MCOLN1: variants seen among roughly 807,000 people sequenced by gnomAD.
MCOLN1 encodes mucolipin TRP cation channel 1, also known as mucolipin-1.
Under a neutral mutation model 70.3 loss-of-function variants are expected in MCOLN1, and 50 were observed. That is an observed-to-expected ratio of 0.71 (90% CI 0.57 to 0.90). The LOEUF (loss-of-function observed/expected upper bound fraction) is 0.90. Ranked by LOEUF, MCOLN1 falls within the 40% of genes least tolerant of loss-of-function variation. The pLI is 0.00. For missense variants in MCOLN1, 598 were observed against 803.5 expected, an observed-to-expected ratio of 0.74 and a Z score of 3.09; for synonymous variants, 366 against 341.0, an observed-to-expected ratio of 1.07 and a Z score of -0.81.
intron 9 of MCOLN1, 48 bp downstream of exon 9, chr19:7,529,018 G>T (rs376829459): frequency 6.2e-7 from 1 of 1,613,830 alleles, no homozygotes; most frequent in African/African-American, 1.3e-5. Flanking sequence ...CCTGCTGTCA[G>T]TGCCTATCCG....
intron 4 of MCOLN1, chr19:7,527,271 CAAAAAAAAAA>C (rs562144613): frequency 8.1e-5 from 19 of 235,826 alleles, no homozygotes; most frequent in Admixed American, 4.5e-4. Flanking sequence ...GACCCTGTCT[CAAAAAAAAAA>C]AAAAAAAAAA....
chr19:7,528,189 G>A lies in MCOLN1; in HGVS notation c.809G>A (p.Arg270Gln), dbSNP rs1430002498. The A allele has an allele frequency of 8.7e-6, 14 of 1,613,942 alleles. No individual in the cohort carries two copies. Among genetic ancestry groups the A allele is most frequent in the Non-Finnish European group, 1.1e-5 (13 of 1,179,978 alleles). ...TTTGACAACAAAGCACACAGTGGGC[G>A]GATCCCCATCAGCCTGGAGACCCAG... ...ITFDNKAHSG[R>Q]IPISLETQAH... The change falls in exon 7 of 14, where the codon CGG becomes CAG. Residue 270 changes from arginine (R) to glutamine (Q), a missense_variant. Arg to Gln is a conservative substitution (Grantham distance 43, BLOSUM62 1). This residue lies in a region of MCOLN1 where 461 missense variants were observed against 588.4 expected (regional missense o/e 0.78). Coordinates refer to ENST00000264079, the MANE Select transcript of MCOLN1 (RefSeq NM_020533.3). This position sits in a 1 kb window ranked among gnomAD's most constrained non-coding sequence, Gnocchi z 4.2.
intron 11 of MCOLN1, 134 bp downstream of exon 11, chr19:7,529,846 G>T: frequency 9.3e-7 from 1 of 1,075,904 alleles, no homozygotes. Context: ...CCCTGACACT[G>T]ACCCTGTGCC....
At position 7,528,030 on chromosome 19, in the gene MCOLN1, G is replaced by A. The variant is rs571036385; in HGVS notation, c.777+70G>A. On this transcript the variant is annotated intron_variant, in intron 6 of 13. Coordinates refer to ENST00000264079, the MANE Select transcript of MCOLN1 (RefSeq NM_020533.3). The surrounding 1 kb of genome is among the most constrained non-coding windows in gnomAD (Gnocchi z 4.2). ...GGGACCTGGTCAGGGAGTGTCTTGG[G>A]AGCACTGGCCAAGGGCAAGCGTGCG... 2.8e-5 allele frequency: 43 copies of A among 1,545,344 alleles called. No homozygotes were observed. The East Asian group carries it at 9.4e-4, about 34-fold the overall frequency.
Position 7,528,074 on chromosome 19 carries a change from C to T in MCOLN1, c.778-84C>T. ...GCGTGCGGGTGATGAGGGAGGGAGCCCGGGGTCTGTCAGGCCACCTGTCAT... is the reference window on the plus strand; with the variant it reads ...GCGTGCGGGTGATGAGGGAGGGAGCTCGGGGTCTGTCAGGCCACCTGTCAT... On this transcript the variant is annotated intron_variant, in intron 6 of 13. Transcript: ENST00000264079. This position sits in a 1 kb window ranked among gnomAD's most constrained non-coding sequence, Gnocchi z 4.2. 2 of 1,544,784 alleles carry T rather than the reference C, an allele frequency of 1.3e-6. No individual in the cohort carries two copies. Among genetic ancestry groups the T allele is most frequent in the Non-Finnish European group, 1.8e-6 (2 of 1,117,240 alleles).
rs2146022923 is a variant in MCOLN1 at position 7,526,898 on chromosome 19, A to G, written c.543A>G (p.Thr181=). The G allele has an allele frequency of 6.2e-7, 1 of 1,614,066 alleles. No homozygotes were observed. Among genetic ancestry groups the G allele is most frequent in the Non-Finnish European group, 8.5e-7 (1 of 1,180,012 alleles). ...HRGHVDPAND[T]FDIDPMVVTD... is the part of the protein sequence containing the mutation. ...GCCACGTGGACCCGGCCAACGACAC[A>G]TTTGACATTGATCCGATGGTGGTTA... The change falls in exon 4 of 14, where the codon ACA becomes ACG. Residue 181 remains threonine, a synonymous_variant. Transcript: ENST00000264079. The surrounding 1 kb of genome is among the most constrained non-coding windows in gnomAD (Gnocchi z 4.6).
At position 7,524,739 on chromosome 19, in the gene MCOLN1, G is replaced by T. The variant is rs1237519222; in HGVS notation, c.32-222G>T. On this transcript the variant is annotated intron_variant, in intron 1 of 13. Coordinates refer to ENST00000264079, the MANE Select transcript of MCOLN1 (RefSeq NM_020533.3). The surrounding 1 kb of genome is among the most constrained non-coding windows in gnomAD (Gnocchi z 4.1). ...GCAGGAGGGGCAGGAATCAGCCCAG[G>T]CCCTGTACCTCCCAAACCCAAACTC... Among the ~76,000 whole-genome samples, 1 of 152,168 alleles carries T rather than the reference G, an allele frequency of 6.6e-6. No homozygotes were observed. The highest frequency in any genetic ancestry group is 1.9e-4 in the East Asian group (1 of 5,200).
intron 10 of MCOLN1, 84 bp from the exon 11 acceptor site, chr19:7,529,506 G>GGGGGCCCCC: frequency 3.6e-6 from 1 of 280,230 alleles, no homozygotes; most frequent in Non-Finnish European, 6.4e-6. Flanking sequence ...GCAAGGCCCC[G>GGGGGCCCCC]CCCCTCCCAC....
rs756676977 is a variant in MCOLN1, at chr19:7,528,712, T to C, written c.984+9T>C. 1 of 1,614,200 alleles carries C rather than the reference T, an allele frequency of 6.2e-7. No individual in the cohort carries two copies. The highest frequency in any genetic ancestry group is 1.1e-5 in the South Asian group (1 of 91,088). On this transcript the variant is annotated intron_variant, in intron 8 of 13. Transcript: ENST00000264079. This position sits in a 1 kb window ranked among gnomAD's most constrained non-coding sequence, Gnocchi z 4.2. ...GCTTCCTGCTGCAGAACGTGAGGCT[T>C]CTGCGTCATGTGTGCTGGTGTCCTC...
chr19:7,529,501 G>GCA, intron 10 of MCOLN1, 89 bp from the exon 11 acceptor site: 2 of 747,250 alleles, frequency 2.7e-6, no homozygotes, highest in Non-Finnish European at 2.3e-6. Context: ...CCTCGGCAAG[G>GCA]CCCCGCCCCT....
At chr19:7,532,398 C>T (rs1463570410) in intron 12 of MCOLN1, among the ~76,000 whole-genome samples, 1 of 151,874 alleles carries the variant, frequency 6.6e-6, no homozygotes, top group African/African-American at 2.4e-5. Context: ...TAGCCCTATG[C>T]AGCTATTTAA....
chr19:7,529,513 C>CCCCCCCCCA, intron 10 of MCOLN1, 77 bp from the exon 11 acceptor site: 1 of 1,040,526 alleles, frequency 9.6e-7, no homozygotes, highest in Admixed American at 1.9e-5. Context: ...CCCGCCCCTC[C>CCCCCCCCCA]CACCCCCATC....
chr19:7,528,748 C>T lies in MCOLN1; in HGVS notation c.984+45C>T. 6.2e-7 allele frequency: 1 copy of T among 1,614,180 alleles called. No homozygotes were observed. The highest frequency in any genetic ancestry group is 2.2e-5 in the East Asian group (1 of 44,880). ...TGTGCTGGTGTCCTCCCCGCCTGGC[C>T]CTGGGGCGATAAAAGCCAGGGCTTT... On this transcript the variant is annotated intron_variant, in intron 8 of 13. Coordinates refer to ENST00000264079, the MANE Select transcript of MCOLN1 (RefSeq NM_020533.3). The surrounding 1 kb of genome is among the most constrained non-coding windows in gnomAD (Gnocchi z 4.2).
chr19:7,528,330 C>T lies in MCOLN1; in HGVS notation c.877+73C>T. ...TCCTGGGATTCCCCAAGCCCCAGATCAGCGCTGCCTGGGGGCCGTGACCTC... is the reference window on the plus strand; with the variant it reads ...TCCTGGGATTCCCCAAGCCCCAGATTAGCGCTGCCTGGGGGCCGTGACCTC... On this transcript the variant is annotated intron_variant, in intron 7 of 13. Coordinates refer to ENST00000264079, the MANE Select transcript of MCOLN1 (RefSeq NM_020533.3). The surrounding 1 kb of genome is among the most constrained non-coding windows in gnomAD (Gnocchi z 4.2). The T allele has an allele frequency of 7.0e-7, 1 of 1,432,738 alleles. No homozygotes were observed. The highest frequency in any genetic ancestry group is 2.3e-5 in the East Asian group (1 of 43,440). 88.8% of individuals were successfully genotyped at this position (1,432,738 alleles called of 1,614,324 possible).
Position 7,528,907 on chromosome 19 carries a change from G to T in MCOLN1, c.1071G>T (p.Leu357=), listed in dbSNP as rs929597481. 8.7e-6 allele frequency: 14 copies of T among 1,614,156 alleles called. No individual in the cohort carries two copies. The highest frequency in any genetic ancestry group is 1.1e-5 in the Non-Finnish European group (13 of 1,180,022). The change falls in exon 9 of 14, where the codon CTG becomes CTT. Residue 357 remains leucine (L), a synonymous_variant. Coordinates refer to ENST00000264079, the MANE Select transcript of MCOLN1 (RefSeq NM_020533.3). This position sits in a 1 kb window ranked among gnomAD's most constrained non-coding sequence, Gnocchi z 4.2. ...AATTTGTCAATGGCTGGTACATCCTGCTCGTCACCAGCGATGTGCTCACCA... is the reference window on the plus strand; with the variant it reads ...AATTTGTCAATGGCTGGTACATCCTTCTCGTCACCAGCGATGTGCTCACCA... ...RLEFVNGWYI[L]LVTSDVLTIS...
chr19:7,532,701 C>G (rs751792948), intron 12 of MCOLN1, among the ~76,000 whole-genome samples: 2 of 152,074 alleles, frequency 1.3e-5, no homozygotes, highest in African/African-American at 2.4e-5. Flanking sequence ...GGCGAGAGAC[C>G]GAGACTCTGC....
At position 7,524,391 on chromosome 19, in the gene MCOLN1, G is replaced by A. The variant is rs990119437; in HGVS notation, c.32-570G>A. Reference sequence around the variant, plus strand: ...TGGCTTCTGAGAGTGTCAGCTGATGGGCCAGGTTATAATGAACCCAGAGGT... The same window carrying A: ...TGGCTTCTGAGAGTGTCAGCTGATGAGCCAGGTTATAATGAACCCAGAGGT... On this transcript the variant is annotated intron_variant, in intron 1 of 13. Coordinates refer to ENST00000264079, the MANE Select transcript of MCOLN1 (RefSeq NM_020533.3). This position sits in a 1 kb window ranked among gnomAD's most constrained non-coding sequence, Gnocchi z 4.1. Among the ~76,000 whole-genome samples, 8 of 152,126 alleles carry A rather than the reference G, an allele frequency of 5.3e-5. No individual in the cohort carries two copies. The highest frequency in any genetic ancestry group is 1.4e-4 in the African/African-American group (6 of 41,414).
chr19:7,527,007 G>T (rs2032647234), intron 4 of MCOLN1, 81 bp downstream of exon 4: 2 of 1,565,388 alleles, frequency 1.3e-6, no homozygotes, highest in Non-Finnish European at 1.8e-6. Context: ...GGGCACGGTG[G>T]CTCACGCCTA....
At chr19:7,530,701 G>C (rs575964750) in intron 12 of MCOLN1, among the ~76,000 whole-genome samples, 200 bp downstream of exon 12, 4 of 152,356 alleles carry the variant, frequency 2.6e-5, no homozygotes, top group Non-Finnish European at 5.9e-5. Context: ...GAGGGGGCCT[G>C]AGTCAGTCTT....
Sources: allele counts gnomAD v4.1 joint callset (sites outside exome capture counted in the v4.1 genomes callset), GRCh38; gene constraint gnomAD v4.1.1; regional missense constraint gnomAD v4.1.1; non-coding constraint Gnocchi (gnomAD v3.1); transcripts MANE v1.5; gene names NCBI Gene and HGNC (gene_info 2026-07-23, HGNC 2026-07-21).